Variants in RPS6KC1 observed in about 807,000 individuals in gnomAD.
The protein encoded by RPS6KC1 is ribosomal protein S6 kinase C1.
A neutral mutation model predicts 103.8 loss-of-function variants in RPS6KC1; 54 were observed. The observed-to-expected ratio is 0.52, with a 90% CI of 0.42 to 0.65. The LOEUF is 0.65. Among genes scored for constraint, RPS6KC1 ranks in the 30% least tolerant of loss-of-function variants. The pLI, the probability that RPS6KC1 is intolerant of heterozygous loss-of-function variation, is 0.00. For synonymous variants in RPS6KC1, 439 were observed against 438.7 expected (o/e 1.00, Z -0.01); for missense variants, 1,151 against 1,253.8 (o/e 0.92, Z 1.24).
the RPS6KC1 span, among the ~76,000 whole-genome samples, chr1:213,762,737 G>A: frequency 6.6e-6 from 1 of 152,060 alleles, no homozygotes; most frequent in East Asian, 1.9e-4. Flanking sequence ...ACAAGCTTAT[G>A]AGCTGTGTGA....
At chr1:213,208,191 A>G (rs1212725880) in intron 8 of RPS6KC1, among the ~76,000 whole-genome samples, 2 of 152,206 alleles carry the variant, frequency 1.3e-5, no homozygotes, top group Non-Finnish European at 2.9e-5. Context: ...ATAATCCATC[A>G]GATATGTGGT....
At position 213,129,839 on chromosome 1, in the gene RPS6KC1, C is replaced by G. The variant is rs750246745; in HGVS notation, c.785C>G (p.Ala262Gly). 1 of 1,610,374 alleles carries G rather than the reference C, an allele frequency of 6.2e-7. No homozygotes were observed. The highest frequency in any genetic ancestry group is 8.5e-7 in the Non-Finnish European group (1 of 1,179,152). Residue 262 changes from alanine to glycine, a missense_variant, in exon 6 of 15, where the codon GCT becomes GGT. Ala to Gly is a moderately conservative substitution (Grantham distance 60). Around this residue, in one of 3 missense-constraint regions of RPS6KC1, gnomAD observed 959 missense variants for 1,006.3 expected, o/e 0.95. Transcript: ENST00000366960. ...KKEEEDDYEA[A>G]SDFYRKGVDL... ...GAAGAAGAAGACGACTATGAAGCTGCTTCTGATTTTTATAGGAAGGGAGTT... is the reference window on the plus strand; with the variant it reads ...GAAGAAGAAGACGACTATGAAGCTGGTTCTGATTTTTATAGGAAGGGAGTT...
At chr1:213,710,940 C>T in the RPS6KC1 span, among the ~76,000 whole-genome samples, 1 of 152,110 alleles carries the variant, frequency 6.6e-6, no homozygotes, top group South Asian at 2.1e-4. Context: ...TCTCTGGCTG[C>T]CCTTAACATT....
At chr1:213,414,929 C>A in the RPS6KC1 span, among the ~76,000 whole-genome samples, 1 of 152,146 alleles carries the variant, frequency 6.6e-6, no homozygotes, top group East Asian at 1.9e-4. Flanking sequence ...TGGTGCTCTA[C>A]CCAATGAGAC....
the RPS6KC1 span, among the ~76,000 whole-genome samples, chr1:213,695,352 A>G: frequency 6.6e-6 from 1 of 152,196 alleles, no homozygotes. Context: ...AGACTTTAAA[A>G]TGCCAGATGC....
the RPS6KC1 span, among the ~76,000 whole-genome samples, chr1:213,704,513 GA>G: frequency 3.3e-3 from 494 of 150,968 alleles, 1 homozygote; most frequent in African/African-American, 0.012. Flanking sequence ...GTATCTGATA[GA>G]ATTCTGAATT....
chr1:213,554,580 T>G, the RPS6KC1 span, among the ~76,000 whole-genome samples: 2 of 152,200 alleles, frequency 1.3e-5, no homozygotes, highest in Non-Finnish European at 2.9e-5. Flanking sequence ...TTAAAATTGT[T>G]CAGCCATACC....
intron 8 of RPS6KC1, among the ~76,000 whole-genome samples, chr1:213,181,113 G>A (rs1296227795): frequency 6.6e-6 from 1 of 152,182 alleles, no homozygotes. Flanking sequence ...GAACATTGAT[G>A]ACTTGAAACC....
At chr1:213,740,365 G>T in the RPS6KC1 span, among the ~76,000 whole-genome samples, 1 of 151,996 alleles carries the variant, frequency 6.6e-6, no homozygotes, top group African/African-American at 2.4e-5. Context: ...AACAAAAACA[G>T]TGAAAATCCC....
At chr1:213,356,968 G>A in the RPS6KC1 span, among the ~76,000 whole-genome samples, 403 of 152,280 alleles carry the variant, frequency 2.6e-3, 2 homozygotes, top group African/African-American at 9.3e-3. Context: ...TTCTGTGCCC[G>A]TGACTCTGAC....
At chr1:213,195,031 G>T (rs769946803) in intron 8 of RPS6KC1, among the ~76,000 whole-genome samples, 2 of 152,220 alleles carry the variant, frequency 1.3e-5, no homozygotes, top group Non-Finnish European at 2.9e-5. Flanking sequence ...GGGTGTGTGT[G>T]TGTTAGGGGG....
chr1:213,550,559 A>T, the RPS6KC1 span, among the ~76,000 whole-genome samples: 1 of 152,222 alleles, frequency 6.6e-6, no homozygotes, highest in Non-Finnish European at 1.5e-5. Flanking sequence ...ATAAGCAATT[A>T]TCTTACCCAA....
At chr1:213,682,822 C>T in the RPS6KC1 span, among the ~76,000 whole-genome samples, 2 of 152,266 alleles carry the variant, frequency 1.3e-5, no homozygotes, top group East Asian at 1.9e-4. Flanking sequence ...CCAGGATAAC[C>T]ACTGTTCACA....
chr1:213,490,565 T>C, the RPS6KC1 span, among the ~76,000 whole-genome samples: 18 of 152,248 alleles, frequency 1.2e-4, 1 homozygote, highest in East Asian at 3.5e-3. Flanking sequence ...GTGCAGCAGA[T>C]GGCCCCTTCT....
intron 3 of RPS6KC1, among the ~76,000 whole-genome samples, chr1:213,083,613 G>A (rs2080109717): frequency 6.6e-6 from 1 of 152,150 alleles, no homozygotes; most frequent in Non-Finnish European, 1.5e-5. Flanking sequence ...TCTAGACTTT[G>A]AATTGCTGCC....
the RPS6KC1 span, among the ~76,000 whole-genome samples, chr1:213,363,695 TTTCTTTC>T: frequency 1.1e-3 from 89 of 80,906 alleles, 8 homozygotes; most frequent in African/African-American, 3.8e-3. Context: ...TCTTTCTTTC[TTTCTTTC>T]CTTCTTTCTT....
At chr1:213,839,332 C>T in the RPS6KC1 span, among the ~76,000 whole-genome samples, 1 of 152,194 alleles carries the variant, frequency 6.6e-6, no homozygotes, top group Non-Finnish European at 1.5e-5. Flanking sequence ...TTGTATCTCT[C>T]TTCTCCAGCC....
the RPS6KC1 span, among the ~76,000 whole-genome samples, chr1:213,768,846 C>T: frequency 4.6e-5 from 7 of 152,138 alleles, no homozygotes; most frequent in Admixed American, 3.3e-4. Context: ...GAGAGAACAA[C>T]GCCTGCAGAA....
At chr1:213,152,499 C>T (rs903462195) in intron 6 of RPS6KC1, among the ~76,000 whole-genome samples, 5 of 149,790 alleles carry the variant, frequency 3.3e-5, no homozygotes, top group East Asian at 2.0e-4. Context: ...GGCTGCCGGG[C>T]GGAGGGGCTC....
Sources: allele counts gnomAD v4.1 joint callset (sites outside exome capture counted in the v4.1 genomes callset), GRCh38; gene constraint gnomAD v4.1.1; regional missense constraint gnomAD v4.1.1; transcripts MANE v1.5; gene names NCBI Gene and HGNC (gene_info 2026-07-23, HGNC 2026-07-21).